The following BSPRY variants were observed in gnomAD, a reference collection of about 807,000 sequenced individuals.
BSPRY encodes B-box and SPRY domain containing.
Under a neutral mutation model 38.0 loss-of-function variants are expected in BSPRY, and 33 were observed. The ratio of observed to expected loss-of-function variants is 0.87; its 90% CI spans 0.66 to 1.16. The LOEUF (loss-of-function observed/expected upper bound fraction) is 1.16. BSPRY is among the 50% of genes most tolerant of loss of function. The pLI, the probability that BSPRY is intolerant of heterozygous loss-of-function variation, is 0.00. For missense variants in BSPRY, 523 were observed against 533.2 expected (o/e 0.98, Z 0.19); for synonymous variants, 224 against 228.5 (o/e 0.98, Z 0.18).
intron 4 of BSPRY, among the ~76,000 whole-genome samples, chr9:113,366,880 TG>T (rs769134121): frequency 5.9e-5 from 9 of 152,220 alleles, no homozygotes; most frequent in Non-Finnish European, 1.2e-4. Context: ...GCCCCACCCC[TG>T]TGCCCACTCC....
At chr9:113,369,579 G>A (rs749435357) in intron 5 of BSPRY, 37 bp from the exon 6 acceptor site, 2 of 1,570,824 alleles carry the variant, frequency 1.3e-6, no homozygotes, top group Admixed American at 1.8e-5. Flanking sequence ...TAGGGCAGGG[G>A]TGGGCCCTCG....
intron 1 of BSPRY, among the ~76,000 whole-genome samples, chr9:113,351,100 G>T (rs1833964111): frequency 6.6e-6 from 1 of 152,148 alleles, no homozygotes; most frequent in Non-Finnish European, 1.5e-5. Context: ...TAATGGGGGT[G>T]AGAATGTCAT....
chr9:113,350,782 C>T (rs1299222221), intron 1 of BSPRY, among the ~76,000 whole-genome samples: 2 of 152,180 alleles, frequency 1.3e-5, no homozygotes, highest in Non-Finnish European at 2.9e-5. Flanking sequence ...CTGGTTCGTC[C>T]TACCTGTTAC....
At chr9:113,358,855 G>A (rs1422157212) in intron 2 of BSPRY, among the ~76,000 whole-genome samples, 1 of 152,076 alleles carries the variant, frequency 6.6e-6, no homozygotes, top group Non-Finnish European at 1.5e-5. Flanking sequence ...AGGCATTAAA[G>A]TGGGATAAAC....
At chr9:113,363,876 C>CAAAAAAAA (rs57026104) in intron 4 of BSPRY, among the ~76,000 whole-genome samples, 1 of 37,568 alleles carries the variant, frequency 2.7e-5, no homozygotes, top group African/African-American at 8.6e-5. Flanking sequence ...GACTCCACCT[C>CAAAAAAAA]AAAAAAAAAA....
intron 4 of BSPRY, among the ~76,000 whole-genome samples, chr9:113,367,808 C>T (rs1379134444): frequency 6.6e-6 from 1 of 151,558 alleles, no homozygotes; most frequent in Non-Finnish European, 1.5e-5. Flanking sequence ...TTGGCCCAAG[C>T]ACCTGTGTGG....
Position 113,369,726 on chromosome 9 carries a change from G to T in BSPRY, c.793G>T (p.Gly265Cys). 1 of 1,614,252 alleles carries T rather than the reference G, an allele frequency of 6.2e-7. No homozygotes were observed. Among genetic ancestry groups the T allele is most frequent in the Non-Finnish European group, 8.5e-7 (1 of 1,180,050 alleles). Residue 265 changes from glycine to cysteine, a missense_variant, in exon 6 of 6, where the codon GGC (glycine) becomes TGC (cysteine). Transcript: ENST00000374183. ...CAAGAAGTCAAAGGCCTGTGCAGAT[G>T]GCCCGGAGCGCTTCGACCACTGGCC... ...STKKSKACAD[G>C]PERFDHWPNA...
intron 4 of BSPRY, among the ~76,000 whole-genome samples, chr9:113,363,700 A>G (rs7045908): frequency 0.4 from 60,532 of 150,414 alleles, 13,966 homozygotes; most frequent in African/African-American, 0.64. Context: ...GGGCCAAGAT[A>G]GTGAAATCCT....
chr9:113,368,825 CA>C (rs1834293846), intron 5 of BSPRY, among the ~76,000 whole-genome samples: 1 of 152,214 alleles, frequency 6.6e-6, no homozygotes, highest in Admixed American at 6.5e-5. Context: ...CCCTGTGCCA[CA>C]TGCTGGGGCC....
chr9:113,365,733 A>AAGAGAG (rs750918178), intron 4 of BSPRY, among the ~76,000 whole-genome samples: 7,847 of 137,416 alleles, frequency 0.057, 311 homozygotes, highest in Admixed American at 0.11. Flanking sequence ...GAGAAAGAGA[A>AAGAGAG]AGAGAGAGAG....
intron 1 of BSPRY, among the ~76,000 whole-genome samples, chr9:113,353,209 A>G (rs1833998440): frequency 6.6e-6 from 1 of 151,988 alleles, no homozygotes; most frequent in Non-Finnish European, 1.5e-5. Context: ...GCAACATGGC[A>G]AAAGTCCATC....
chr9:113,352,804 C>T (rs1392753028), intron 1 of BSPRY, among the ~76,000 whole-genome samples: 1 of 152,134 alleles, frequency 6.6e-6, no homozygotes, highest in African/African-American at 2.4e-5. Context: ...GAGGTTCTAA[C>T]AGTGGTTCCT....
At chr9:113,368,435 C>G in intron 5 of BSPRY, 52 bp downstream of exon 5, 1 of 1,595,542 alleles carries the variant, frequency 6.3e-7, no homozygotes, top group Non-Finnish European at 8.5e-7. Context: ...TTCTGTCTGT[C>G]TGTCTGGGGT....
Position 113,360,736 on chromosome 9 carries a change from T to C in BSPRY, c.530T>C (p.Ile177Thr), listed in dbSNP as rs754550571. Residue 177 changes from isoleucine to threonine, a missense_variant and splice_region_variant, in exon 3 of 6, where the codon ATT becomes ACT. Coordinates refer to ENST00000374183, the MANE Select transcript of BSPRY (RefSeq NM_017688.3). Reference protein sequence around the residue: ...MLTHLDDLQLIQKEQEIFERT... With the variant: ...MLTHLDDLQLTQKEQEIFERT... ...ACTCACCTGGATGACCTCCAGCTGA[T>C]TGTAAGTCAGGCAAGGGTGAGGGCA... 1.3e-6 allele frequency: 2 copies of C among 1,579,446 alleles called. No individual in the cohort carries two copies. Among genetic ancestry groups the C allele is most frequent in the Non-Finnish European group, 1.7e-6 (2 of 1,163,220 alleles).
chr9:113,354,177 T>C, intron 1 of BSPRY, 63 bp from the exon 2 acceptor site: 1 of 1,373,978 alleles, frequency 7.3e-7, no homozygotes, highest in Non-Finnish European at 1.0e-6. Context: ...AGAAAATCAC[T>C]GGGATGGAGT....
rs1473792446 is a variant in BSPRY, at chr9:113,369,799, T to A, written c.866T>A (p.Met289Lys). ...TSFQNGLHAWMVNVQNSCAYK... is the reference protein window; with the variant it reads ...TSFQNGLHAWKVNVQNSCAYK... The stretch of plus-strand genomic sequence containing the variant: ...TTCCAGAATGGGCTCCATGCCTGGA[T>A]GGTGAATGTCCAGAACAGTTGTGCC... The change falls in exon 6 of 6, where the codon ATG (methionine) becomes AAG (lysine). Residue 289 changes from methionine (M) to lysine (K), a missense_variant. Physicochemically the swap from Met to Lys is moderately conservative, Grantham distance 95. Coordinates refer to ENST00000374183, the MANE Select transcript of BSPRY (RefSeq NM_017688.3). The A allele has an allele frequency of 1.2e-6, 2 of 1,614,108 alleles. No individual in the cohort carries two copies. The highest frequency in any genetic ancestry group is 1.3e-5 in the African/African-American group (1 of 74,940).
intron 4 of BSPRY, among the ~76,000 whole-genome samples, chr9:113,364,630 C>T (rs893032828): frequency 1.3e-5 from 2 of 151,708 alleles, no homozygotes; most frequent in South Asian, 2.1e-4. Flanking sequence ...CATTCATTGT[C>T]GCTCGTTCTC....
At chr9:113,353,692 G>C (rs1265008455) in intron 1 of BSPRY, among the ~76,000 whole-genome samples, 4 of 152,012 alleles carry the variant, frequency 2.6e-5, no homozygotes, top group Admixed American at 2.0e-4. Context: ...AACCGAGTGA[G>C]ACTCTGCCTC....
chr9:113,353,937 G>A (rs1282957186), intron 1 of BSPRY, among the ~76,000 whole-genome samples: 1 of 152,136 alleles, frequency 6.6e-6, no homozygotes, highest in Non-Finnish European at 1.5e-5. Context: ...ACGGAGGTGA[G>A]GTCACAGAAG....
Sources: allele counts gnomAD v4.1 joint callset (sites outside exome capture counted in the v4.1 genomes callset), GRCh38; gene constraint gnomAD v4.1.1; transcripts MANE v1.5; gene names NCBI Gene and HGNC (gene_info 2026-07-23, HGNC 2026-07-21).